Variants in GRIK1 observed in about 807,000 individuals in gnomAD.
GRIK1 encodes the protein glutamate receptor ionotropic, kainate 1.
A neutral mutation model predicts 105.7 loss-of-function variants in GRIK1; 69 were observed. That is an observed-to-expected ratio of 0.65 (90% CI 0.54 to 0.80). The LOEUF is 0.80. Among genes scored for constraint, GRIK1 ranks in the 30% least tolerant of loss-of-function variants. The pLI is 0.00. For missense variants in GRIK1, 1,109 were observed against 1,167.3 expected (o/e 0.95, Z 0.73); for synonymous variants, 438 against 431.3 (o/e 1.02, Z -0.19).
At chr21:29,764,338 C>A (rs565280406) in intron 1 of GRIK1, among the ~76,000 whole-genome samples, 1 of 152,220 alleles carries the variant, frequency 6.6e-6, no homozygotes, top group African/African-American at 2.4e-5. Flanking sequence ...TATTTATTTC[C>A]TCCCTTAGCA....
At chr21:29,800,830 A>G (rs879284060) in intron 1 of GRIK1, among the ~76,000 whole-genome samples, 4 of 152,208 alleles carry the variant, frequency 2.6e-5, no homozygotes, top group Non-Finnish European at 4.4e-5. Context: ...CTGTATGTAG[A>G]CAAGTCGGAG....
At chr21:29,879,155 G>T (rs748827408) in intron 1 of GRIK1, among the ~76,000 whole-genome samples, 1 of 152,062 alleles carries the variant, frequency 6.6e-6, no homozygotes, top group Non-Finnish European at 1.5e-5. Flanking sequence ...ATAGAAGAAG[G>T]AACAACTTTC....
intron 1 of GRIK1, among the ~76,000 whole-genome samples, chr21:29,938,081 T>C (rs1569233750): frequency 6.6e-6 from 1 of 152,202 alleles, no homozygotes; most frequent in Non-Finnish European, 1.5e-5. Flanking sequence ...GTGGGCATGT[T>C]CAGTGATTAA....
intron 1 of GRIK1, among the ~76,000 whole-genome samples, chr21:29,806,188 A>T (rs943189064): frequency 1.3e-4 from 20 of 152,138 alleles, no homozygotes; most frequent in African/African-American, 3.4e-4. Flanking sequence ...AAAATTTTAC[A>T]CAAAATGAAT....
At chr21:29,648,913 A>G (rs192444010) in intron 6 of GRIK1, among the ~76,000 whole-genome samples, 48 of 152,330 alleles carry the variant, frequency 3.2e-4, no homozygotes, top group African/African-American at 9.9e-4. Flanking sequence ...TGTGGACCCA[A>G]TGAAACTGAA....
At chr21:29,781,734 A>G (rs1395656821) in intron 1 of GRIK1, among the ~76,000 whole-genome samples, 2 of 100,826 alleles carry the variant, frequency 2.0e-5, no homozygotes, top group Admixed American at 1.3e-4. Context: ...GCAGTGGCGC[A>G]ATCTCGGCTC....
At chr21:29,669,373 C>G (rs1335090032) in intron 4 of GRIK1, among the ~76,000 whole-genome samples, 1 of 152,138 alleles carries the variant, frequency 6.6e-6, no homozygotes, top group Non-Finnish European at 1.5e-5. Flanking sequence ...CCACATTGAC[C>G]TGGCAGAGAA....
intron 4 of GRIK1, among the ~76,000 whole-genome samples, chr21:29,656,275 C>T (rs989641374): frequency 2.2e-5 from 3 of 137,570 alleles, no homozygotes; most frequent in East Asian, 2.4e-4. Flanking sequence ...GGCAGGAGAA[C>T]GGCGTGAACC....
At chr21:29,545,457 G>T (rs1472698114) in intron 16 of GRIK1, among the ~76,000 whole-genome samples, 1 of 152,156 alleles carries the variant, frequency 6.6e-6, no homozygotes, top group African/African-American at 2.4e-5. Flanking sequence ...TCACCTCATG[G>T]AAAACGCTTG....
chr21:29,560,429 C>CTTTCTTTCTTTCTT (rs2090417007), intron 15 of GRIK1, among the ~76,000 whole-genome samples: 1 of 128,488 alleles, frequency 7.8e-6, no homozygotes, highest in Non-Finnish European at 1.6e-5. Flanking sequence ...TTCTTTCTTT[C>CTTTCTTTCTTTCTT]TTTCTTTCTT....
At position 29,731,084 on chromosome 21, in the gene GRIK1, C is replaced by G. The variant is rs542205865; in HGVS notation, c.119-37021G>C. Among the ~76,000 whole-genome samples, 7 of 152,230 alleles carry G rather than the reference C, an allele frequency of 4.6e-5. No individual in the cohort carries two copies. In the East Asian group the frequency reaches 9.6e-4, roughly 21 times the overall value. Reference sequence around the variant, plus strand: ...GAAACAAAAAGAAGTTAGAAGGAGGCAAATGAGGACTGTAAGGTGGATGCC... The same window carrying G: ...GAAACAAAAAGAAGTTAGAAGGAGGGAAATGAGGACTGTAAGGTGGATGCC... On this transcript the variant is annotated intron_variant, in intron 1 of 17. Coordinates refer to ENST00000327783, the MANE Select transcript of GRIK1 (RefSeq NM_001330994.2).
chr21:29,824,643 A>G (rs969866733), intron 1 of GRIK1, among the ~76,000 whole-genome samples: 1 of 152,028 alleles, frequency 6.6e-6, no homozygotes, highest in African/African-American at 2.4e-5. Context: ...GGTCAGGTTA[A>G]AAGAACTGCA....
intron 1 of GRIK1, among the ~76,000 whole-genome samples, chr21:29,853,027 T>G (rs1569160678): frequency 6.6e-6 from 1 of 152,234 alleles, no homozygotes. Context: ...AGTACTATTT[T>G]GTGTCATTCT....
Position 29,555,241 on chromosome 21 carries a change from C to T in GRIK1, c.2418G>A (p.Leu806=). The change falls in exon 16 of 18, where the codon CTG becomes CTA. Residue 806 remains leucine, a synonymous_variant. Coordinates refer to ENST00000327783, the MANE Select transcript of GRIK1 (RefSeq NM_001330994.2). ...GCCACCACTTCTCTTTCATCATATG[C>T]AGCTTCCCTTCTTCTTGGAGTTGAA... ...AILQLQEEGK[L]HMMKEKWWRG... is the part of the protein sequence containing the mutation. 2 of 1,613,472 alleles carry T rather than the reference C, an allele frequency of 1.2e-6. No homozygotes were observed. The highest frequency in any genetic ancestry group is 3.3e-5 in the Admixed American group (2 of 60,006).
chr21:29,578,683 A>G (rs998045070), intron 13 of GRIK1, among the ~76,000 whole-genome samples: 1 of 152,156 alleles, frequency 6.6e-6, no homozygotes, highest in Non-Finnish European at 1.5e-5. Context: ...TTTCCATTAA[A>G]TTGCCTCCAA....
chr21:29,654,960 AG>A, intron 4 of GRIK1, 97 bp from the exon 5 acceptor site: 1 of 815,052 alleles, frequency 1.2e-6, no homozygotes, highest in East Asian at 2.4e-5. Context: ...AACATAGAAC[AG>A]GAAGGGACTT....
At chr21:29,679,848 C>T (rs545396977) in intron 3 of GRIK1, among the ~76,000 whole-genome samples, 1 of 152,312 alleles carries the variant, frequency 6.6e-6, no homozygotes, top group African/African-American at 2.4e-5. Context: ...GACTGGAACA[C>T]GGTCTTCCTG....
intron 7 of GRIK1, among the ~76,000 whole-genome samples, chr21:29,608,587 C>T (rs1056333773): frequency 2.6e-5 from 4 of 152,060 alleles, no homozygotes; most frequent in Admixed American, 1.3e-4. Context: ...ATTTAGCCTG[C>T]TCTTAACAAG....
intron 1 of GRIK1, among the ~76,000 whole-genome samples, chr21:29,876,321 C>A (rs538617247): frequency 1.3e-5 from 2 of 152,030 alleles, no homozygotes; most frequent in African/African-American, 4.8e-5. Flanking sequence ...TAATCAGTAG[C>A]AGCTAATAAT....
Sources: allele counts gnomAD v4.1 joint callset (sites outside exome capture counted in the v4.1 genomes callset), GRCh38; gene constraint gnomAD v4.1.1; transcripts MANE v1.5; gene names NCBI Gene and HGNC (gene_info 2026-07-23, HGNC 2026-07-21).